GREB1: variants seen among roughly 807,000 people sequenced by gnomAD.
GREB1 encodes the protein growth regulating estrogen receptor binding 1.
In GREB1, 106 loss-of-function variants were observed where a neutral mutation model predicts 200.7. The observed-to-expected ratio is 0.53, with a 90% CI of 0.45 to 0.62. The LOEUF is 0.62. Ranked by LOEUF, GREB1 falls within the 20% of genes least tolerant of loss-of-function variation. The pLI, the probability that GREB1 is intolerant of heterozygous loss-of-function variation, is 0.00. For synonymous variants in GREB1, 1,132 were observed against 1,092.4 expected (o/e 1.04, Z -0.72); for missense variants, 2,243 against 2,556.8 (o/e 0.88, Z 2.65).
rs201078006 is a variant in GREB1 at position 11,618,605 on chromosome 2, G to C, written c.3730G>C (p.Ala1244Pro). 60 of 1,613,074 alleles carry C rather than the reference G, an allele frequency of 3.7e-5. No homozygotes were observed. Among genetic ancestry groups the C allele is most frequent in the Non-Finnish European group, 4.6e-5 (54 of 1,179,932 alleles). The stretch of plus-strand genomic sequence containing the variant: ...CGCTGCCGGCACGTGGGTCCTGCAG[G>C]CCTCCCAGTGCTCCTTGACCAAGGC... ...APAAGTWVLQ[A>P]SQCSLTKACR... Residue 1244 changes from alanine to proline, a missense_variant, in exon 22 of 33, where the codon GCC (alanine) becomes CCC (proline). Transcript: ENST00000381486.
intron 8 of GREB1, 80 bp downstream of exon 8, chr2:11,585,354 G>C: frequency 1.2e-6 from 1 of 827,626 alleles, no homozygotes; most frequent in Non-Finnish European, 1.9e-6. Flanking sequence ...GTATGTGTGC[G>C]TGTGTGCGTG....
In GREB1 at chr2:11,578,287, G is replaced by T; in HGVS notation, c.638-10G>T. Reference sequence around the variant, plus strand: ...GAGTTGGTTTTCACGTGTGCACCTTGCCCCCTTAGAGTTTAGAAGCCGGCA... The same window carrying T: ...GAGTTGGTTTTCACGTGTGCACCTTTCCCCCTTAGAGTTTAGAAGCCGGCA... On this transcript the variant is annotated splice_polypyrimidine_tract_variant and intron_variant, in intron 5 of 32. Transcript: ENST00000381486. 6.2e-7 allele frequency: 1 copy of T among 1,608,622 alleles called. No homozygotes were observed. The highest frequency in any genetic ancestry group is 1.7e-5 in the Admixed American group (1 of 59,774).
intron 27 of GREB1, 76 bp from the exon 28 acceptor site, chr2:11,632,813 C>A: frequency 7.5e-7 from 1 of 1,338,872 alleles, no homozygotes; most frequent in Non-Finnish European, 1.0e-6. Context: ...GCCCCGACAG[C>A]AGGTCTGCCT....
chr2:11,634,362 A>G lies in GREB1; in HGVS notation c.5210+13A>G. 3 of 1,605,694 alleles carry G rather than the reference A, an allele frequency of 1.9e-6. No individual in the cohort carries two copies. The highest frequency in any genetic ancestry group is 1.7e-4 in the Middle Eastern group (1 of 5,920). Reference sequence around the variant, plus strand: ...ACAACCAGAACCGGTGAGCTCCTGCACCTGGGGCAGAGGCGGCGGCAGCCC... The same window carrying G: ...ACAACCAGAACCGGTGAGCTCCTGCGCCTGGGGCAGAGGCGGCGGCAGCCC... On this transcript the variant is annotated intron_variant, in intron 29 of 32. Coordinates refer to ENST00000381486, the MANE Select transcript of GREB1 (RefSeq NM_014668.4).
At chr2:11,506,599 G>A (rs1381053658) in intron 1 of GREB1, among the ~76,000 whole-genome samples, 1 of 152,134 alleles carries the variant, frequency 6.6e-6, no homozygotes, top group Non-Finnish European at 1.5e-5. Flanking sequence ...AATTAGAGGT[G>A]GATTTCCCCA....
intron 1 of GREB1, among the ~76,000 whole-genome samples, chr2:11,484,893 T>A (rs539605827): frequency 1.4e-4 from 21 of 152,388 alleles, no homozygotes; most frequent in African/African-American, 5.0e-4. Flanking sequence ...TCGCCCAGGC[T>A]GGAGTACAGT....
rs781001867 is a variant in GREB1, at chr2:11,618,856, C to G, written c.3981C>G (p.Asn1327Lys). The change falls in exon 22 of 33, where the codon AAC becomes AAG. Residue 1327 changes from asparagine (N) to lysine (K), a missense_variant. This residue lies in a region of GREB1 where 587 missense variants were observed against 553.1 expected (regional missense o/e 1.06). Transcript: ENST00000381486. ...VPRPSHMDYG[N>K]RAEGRVDGFH... ...GGCCCAGCCACATGGACTACGGCAA[C>G]CGGGCCGAGGGCCGCGTGGACGGCT... 4.0e-5 allele frequency: 63 copies of G among 1,594,080 alleles called. No individual in the cohort carries two copies. Among genetic ancestry groups the G allele is most frequent in the Non-Finnish European group, 4.9e-5 (58 of 1,174,796 alleles).
rs377181735 is a variant in GREB1 at position 11,587,694 on chromosome 2, AACACACACACAC to A, written c.1160-1015_1160-1004del. On this transcript the variant is annotated intron_variant, in intron 9 of 32. Transcript: ENST00000381486. ...AAATGGAGTACCTGGAGTACAAGAT[AACACACACACAC>A]ACACACACACACACACACACACACA... 651 of 706,990 alleles carry A rather than the reference AACACACACACAC, an allele frequency of 9.2e-4. 4 individuals carry two copies. Among genetic ancestry groups the A allele is most frequent in the African/African-American group, 7.0e-3 (274 of 38,974 alleles). 43.8% of individuals were successfully genotyped at this position (706,990 alleles called of 1,614,324 possible).
intron 1 of GREB1, among the ~76,000 whole-genome samples, chr2:11,518,405 TG>T (rs1673582981): frequency 6.6e-6 from 1 of 152,282 alleles, no homozygotes; most frequent in African/African-American, 2.4e-5. Flanking sequence ...TTTTTCTCTC[TG>T]GAGCTTGTCA....
chr2:11,607,773 G>A (rs927917890), intron 17 of GREB1, among the ~76,000 whole-genome samples: 1 of 151,924 alleles, frequency 6.6e-6, no homozygotes, highest in Admixed American at 6.6e-5. Flanking sequence ...AGGACTCTTT[G>A]TTGCAAGTAA....
intron 1 of GREB1, among the ~76,000 whole-genome samples, chr2:11,554,212 G>A (rs1228001106): frequency 1.3e-5 from 2 of 152,062 alleles, no homozygotes; most frequent in Admixed American, 1.3e-4. Context: ...TTTTTGTTGG[G>A]GCTAATTCCT....
chr2:11,562,003 T>A (rs1282251349), intron 2 of GREB1, among the ~76,000 whole-genome samples: 5 of 152,128 alleles, frequency 3.3e-5, no homozygotes, highest in Admixed American at 3.3e-4. Context: ...ATGGTCTTCA[T>A]ATGACACTAT....
chr2:11,509,000 G>C (rs1399908275), intron 1 of GREB1, among the ~76,000 whole-genome samples: 2 of 150,592 alleles, frequency 1.3e-5, no homozygotes, highest in South Asian at 2.1e-4. Flanking sequence ...TCAGCCTCCC[G>C]AGTAGCTGGG....
chr2:11,635,011 C>T (rs13016287), intron 29 of GREB1, among the ~76,000 whole-genome samples: 24,112 of 152,252 alleles, frequency 0.16, 2,257 homozygotes, highest in Middle Eastern at 0.24. Context: ...CTGGTCACCA[C>T]GGGCAGTGCT....
chr2:11,575,542 C>T (rs1436741816), intron 4 of GREB1, among the ~76,000 whole-genome samples: 1 of 152,192 alleles, frequency 6.6e-6, no homozygotes, highest in African/African-American at 2.4e-5. Context: ...CAGTTGTAGG[C>T]CTGGTGCAGA....
At chr2:11,511,382 C>T (rs1051984689) in intron 1 of GREB1, among the ~76,000 whole-genome samples, 2 of 152,082 alleles carry the variant, frequency 1.3e-5, no homozygotes, top group Admixed American at 6.6e-5. Flanking sequence ...TTTGGCTCCA[C>T]ATCTCTGAGA....
At chr2:11,525,019 G>T (rs1239896861) in intron 1 of GREB1, among the ~76,000 whole-genome samples, 1 of 152,140 alleles carries the variant, frequency 6.6e-6, no homozygotes, top group Non-Finnish European at 1.5e-5. Context: ...CCTTCCAAAA[G>T]GCAGAAGGAG....
intron 3 of GREB1, among the ~76,000 whole-genome samples, chr2:11,563,615 T>G (rs1238752584): frequency 6.6e-6 from 1 of 152,226 alleles, no homozygotes; most frequent in Non-Finnish European, 1.5e-5. Context: ...GCTTAGCAGA[T>G]AGTTGAATAG....
rs528074235 is a variant in GREB1, at chr2:11,619,265, T to C, written c.4044+346T>C. 8.5e-5 allele frequency among the ~76,000 whole-genome samples: 13 copies of C among 152,358 alleles called. No individual in the cohort carries two copies. In the South Asian group the frequency reaches 2.7e-3, roughly 32 times the overall value. Reference sequence around the variant, plus strand: ...ACTCTGGGTTCTCCACTGGAAGGTTTCGGTGAACCATGAACGGAGAACTAG... The same window carrying C: ...ACTCTGGGTTCTCCACTGGAAGGTTCCGGTGAACCATGAACGGAGAACTAG... On this transcript the variant is annotated intron_variant, in intron 22 of 32. Transcript: ENST00000381486.
Sources: gnomAD v4.1 joint callset for allele counts (sites outside exome capture counted in the v4.1 genomes callset) on GRCh38, gnomAD v4.1.1 for gene constraint, gnomAD v4.1.1 regional missense constraint, MANE v1.5 for transcripts, NCBI Gene and HGNC (gene_info 2026-07-23, HGNC 2026-07-21) for gene names.